XPO7: variants seen among roughly 807,000 people sequenced by gnomAD.
XPO7 encodes exportin 7.
Under a neutral mutation model 144.3 loss-of-function variants are expected in XPO7, and 21 were observed. The ratio of observed to expected loss-of-function variants is 0.15; its 90% CI spans 0.10 to 0.21. The LOEUF (loss-of-function observed/expected upper bound fraction) is 0.21, where lower values mean the gene tolerates loss of function less well. Among genes scored for constraint, XPO7 ranks in the 10% least tolerant of loss-of-function variants. XPO7 has a pLI of 1.00. For missense variants in XPO7, 808 were observed against 1,325.8 expected (o/e 0.61, Z 6.06); for synonymous variants, 580 against 499.6 (o/e 1.16, Z -2.15).
At chr8:22,004,102 CT>C in intron 27 of XPO7, 72 bp downstream of exon 27, 1 of 1,582,902 alleles carries the variant, frequency 6.3e-7, no homozygotes, top group Non-Finnish European at 8.6e-7. Context: ...CAGGCAGTTG[CT>C]TTAAAGTCTT....
chr8:21,970,096 A>G, intron 3 of XPO7, 48 bp from the exon 4 acceptor site: 1 of 1,574,552 alleles, frequency 6.4e-7, no homozygotes, highest in Non-Finnish European at 8.6e-7. Flanking sequence ...TCTCTGGCAG[A>G]GCTTTCTATT....
chr8:22,005,167 G>C lies in XPO7; in HGVS notation c.*79G>C, dbSNP rs1813285263. 2.5e-6 allele frequency: 3 copies of C among 1,220,536 alleles called. No individual in the cohort carries two copies. The highest frequency in any genetic ancestry group is 4.3e-5 in the Admixed American group (2 of 46,160). 75.6% of individuals were successfully genotyped at this position (1,220,536 alleles called of 1,614,324 possible). On this transcript the variant is annotated 3_prime_UTR_variant, in exon 28 of 28. Coordinates refer to ENST00000252512, the MANE Select transcript of XPO7 (RefSeq NM_015024.5). ...GGGGCGAACAATTGCAAGGGAGAGG[G>C]CCTGGCTGATCCTGGCTCTTTTCTC...
intron 4 of XPO7, 28 bp downstream of exon 4, chr8:21,970,338 G>T: frequency 6.3e-7 from 1 of 1,599,690 alleles, no homozygotes; most frequent in African/African-American, 1.3e-5. Context: ...GATGTAATGG[G>T]AATGGGAGAA....
chr8:21,996,848 G>A (rs955899081), intron 21 of XPO7, among the ~76,000 whole-genome samples: 6 of 151,612 alleles, frequency 4.0e-5, no homozygotes, highest in Admixed American at 6.6e-5. Context: ...CTCTCTTGTC[G>A]CCAGGCTGAA....
At chr8:22,003,850 T>TA in intron 26 of XPO7, 53 bp from the exon 27 acceptor site, 1 of 1,610,180 alleles carries the variant, frequency 6.2e-7, no homozygotes. Flanking sequence ...GACGGAGGGC[T>TA]AATCTGCCTT....
intron 1 of XPO7, among the ~76,000 whole-genome samples, chr8:21,923,281 C>T (rs951278462): frequency 6.6e-6 from 1 of 152,170 alleles, no homozygotes; most frequent in Non-Finnish European, 1.5e-5. Flanking sequence ...AATTCTGATG[C>T]TCTTTTGGCA....
chr8:21,972,242 C>G (rs1057212452), intron 5 of XPO7, among the ~76,000 whole-genome samples: 1 of 151,814 alleles, frequency 6.6e-6, no homozygotes, highest in African/African-American at 2.4e-5. Context: ...CTTTGGGAGG[C>G]CGAGGCAGGC....
intron 1 of XPO7, among the ~76,000 whole-genome samples, chr8:21,960,972 T>C (rs995116181): frequency 1.3e-5 from 2 of 152,212 alleles, no homozygotes; most frequent in Admixed American, 6.5e-5. Context: ...ATTATAAATA[T>C]ATAAATAATT....
intron 1 of XPO7, among the ~76,000 whole-genome samples, chr8:21,943,851 G>A (rs1563315100): frequency 6.6e-6 from 1 of 152,148 alleles, no homozygotes; most frequent in Non-Finnish European, 1.5e-5. Flanking sequence ...TATTTAAAAA[G>A]TATATTGCTG....
At chr8:21,952,500 C>G (rs1237721091) in intron 1 of XPO7, among the ~76,000 whole-genome samples, 1 of 152,084 alleles carries the variant, frequency 6.6e-6, no homozygotes, top group Non-Finnish European at 1.5e-5. Flanking sequence ...TCTGTAGAGA[C>G]ATATGTTTGG....
chr8:21,936,428 T>C (rs1174913551), intron 1 of XPO7, among the ~76,000 whole-genome samples: 1 of 152,252 alleles, frequency 6.6e-6, no homozygotes, highest in African/African-American at 2.4e-5. Flanking sequence ...GAAGAATGTT[T>C]GATGCTTATT....
At chr8:21,987,299 C>A (rs1452491467) in intron 14 of XPO7, 23 bp downstream of exon 14, 4 of 1,613,434 alleles carry the variant, frequency 2.5e-6, no homozygotes, top group Non-Finnish European at 3.4e-6. Context: ...CAATTGGCTC[C>A]CCTTAGTTCT....
At chr8:21,959,200 C>T (rs919392627) in intron 1 of XPO7, among the ~76,000 whole-genome samples, 3 of 152,144 alleles carry the variant, frequency 2.0e-5, no homozygotes, top group African/African-American at 7.2e-5. Flanking sequence ...GCCCCTGGCC[C>T]TACAGGGGAA....
intron 1 of XPO7, among the ~76,000 whole-genome samples, chr8:21,943,472 CACATT>C (rs1309836251): frequency 1.3e-5 from 2 of 152,134 alleles, no homozygotes; most frequent in African/African-American, 4.8e-5. Flanking sequence ...TATAACTGAA[CACATT>C]TTTCTCACAA....
At chr8:21,935,813 G>C (rs958048258) in intron 1 of XPO7, among the ~76,000 whole-genome samples, 1 of 97,636 alleles carries the variant, frequency 1.0e-5, no homozygotes, top group East Asian at 2.7e-4. Flanking sequence ...GTCCACGTGA[G>C]GGGTGGTATG....
chr8:21,927,169 T>C (rs1456780628), intron 1 of XPO7, among the ~76,000 whole-genome samples: 1 of 152,054 alleles, frequency 6.6e-6, no homozygotes, highest in African/African-American at 2.4e-5. Context: ...GGAGGATCAC[T>C]TGGGTACAGG....
At chr8:21,939,675 A>C (rs1039656775) in intron 1 of XPO7, among the ~76,000 whole-genome samples, 1 of 152,214 alleles carries the variant, frequency 6.6e-6, no homozygotes, top group Non-Finnish European at 1.5e-5. Flanking sequence ...ACATATCAGG[A>C]AAACAGTATC....
In XPO7 at chr8:21,955,441, C is replaced by T. The variant is rs570321765; in HGVS notation, c.19-11416C>T. ...CTTTTCTGTACAGTAAACTTCAACA[C>T]GGATTAAGGTGAAATCTTAAATGAG... On this transcript the variant is annotated intron_variant, in intron 1 of 27. Transcript: ENST00000252512. 3.1e-4 allele frequency among the ~76,000 whole-genome samples: 47 copies of T among 152,180 alleles called. 1 individual carries two copies. Among genetic ancestry groups the T allele is most frequent in the Non-Finnish European group, 3.4e-4 (23 of 68,036 alleles).
intron 21 of XPO7, 88 bp downstream of exon 21, chr8:21,995,687 AAAT>A (rs951126783): frequency 1.9e-6 from 2 of 1,025,912 alleles, no homozygotes; most frequent in East Asian, 2.8e-5. Flanking sequence ...AGATTGTGGG[AAAT>A]AATAAGATTC....
Sources: gnomAD v4.1 joint callset for allele counts (sites outside exome capture counted in the v4.1 genomes callset) on GRCh38, gnomAD v4.1.1 for gene constraint, MANE v1.5 for transcripts, NCBI Gene and HGNC (gene_info 2026-07-23, HGNC 2026-07-21) for gene names.